The following SLC49A4 variants were observed in gnomAD, a reference collection of about 807,000 sequenced individuals.
The protein encoded by SLC49A4 is solute carrier family 49 member 4.
SLC49A4 carries 36 observed loss-of-function variants against 50.6 expected under a neutral mutation model. The ratio of observed to expected loss-of-function variants is 0.71; its 90% CI spans 0.55 to 0.94. The LOEUF (loss-of-function observed/expected upper bound fraction) is 0.94, where lower values mean the gene tolerates loss of function less well. Among genes scored for constraint, SLC49A4 ranks in the 40% least tolerant of loss-of-function variants. The probability of loss-of-function intolerance (pLI) is 0.00; values close to 1 mark genes in which losing one functional copy is unlikely to be tolerated. For missense variants in SLC49A4, 503 were observed against 605.7 expected, an observed-to-expected ratio of 0.83 and a Z score of 1.78; for synonymous variants, 248 against 241.2, an observed-to-expected ratio of 1.03 and a Z score of -0.26.
intron 1 of SLC49A4, among the ~76,000 whole-genome samples, chr3:122,803,112 A>C (rs1280596386): frequency 6.6e-6 from 1 of 152,190 alleles, no homozygotes; most frequent in African/African-American, 2.4e-5. Flanking sequence ...TCCCAGCAGA[A>C]GACCCATAAG....
In SLC49A4 at chr3:122,872,549, AAT is replaced by A. The variant is rs1225722064; in HGVS notation, c.1276_1277del (p.Met426ValfsTer42). On this transcript the variant is annotated frameshift_variant, in exon 8 of 9. Coordinates refer to ENST00000261038, the MANE Select transcript of SLC49A4 (RefSeq NM_032839.3). LOFTEE classifies it high-confidence loss of function. ...TTGTGGAGTTGTCACTTTTTTAAGT[AAT>A]ATGTTTATGGGAGTACTTTTATTTT... ...ITCGVVTFLS[N>X]MFMGVLLFFL... 1.9e-6 allele frequency: 3 copies of A among 1,608,090 alleles called. No homozygotes were observed. Among genetic ancestry groups the A allele is most frequent in the African/African-American group, 2.7e-5 (2 of 74,726 alleles).
intron 2 of SLC49A4, among the ~76,000 whole-genome samples, chr3:122,825,923 A>G (rs1936519536): frequency 6.6e-6 from 1 of 152,174 alleles, no homozygotes. Context: ...TAAGGAGAAT[A>G]TTGGGAAAAG....
At chr3:122,847,350 A>ATTTTTT (rs56148238) in intron 5 of SLC49A4, among the ~76,000 whole-genome samples, 2 of 139,208 alleles carry the variant, frequency 1.4e-5, no homozygotes, top group African/African-American at 2.7e-5. Flanking sequence ...ACAGTGTACA[A>ATTTTTT]TTTTTTTTTT....
chr3:122,798,524 A>T (rs926452929), intron 1 of SLC49A4, among the ~76,000 whole-genome samples: 1 of 152,070 alleles, frequency 6.6e-6, no homozygotes, highest in African/African-American at 2.4e-5. Flanking sequence ...TTTTTAGTAG[A>T]AGAAAGCAAA....
intron 7 of SLC49A4, among the ~76,000 whole-genome samples, chr3:122,868,141 A>G (rs1160876100): frequency 1.3e-5 from 2 of 152,080 alleles, no homozygotes; most frequent in African/African-American, 4.8e-5. Context: ...GTATTCACAC[A>G]TAGTTTTGTT....
In SLC49A4 at chr3:122,879,463, G is replaced by T; in HGVS notation, c.*85G>T. ...TTGCTCAGAATTGCACATCTAACAG[G>T]AAAAGAGGGAGAAGAAAGAAACTTC... On this transcript the variant is annotated 3_prime_UTR_variant, in exon 9 of 9. Transcript: ENST00000261038. 1.0e-6 allele frequency: 1 copy of T among 975,890 alleles called. No individual in the cohort carries two copies. The allele number at this position is 975,890 out of a possible 1,614,324, so 60.5% of individuals were successfully genotyped here.
At chr3:122,812,289 T>G (rs1169672364) in intron 2 of SLC49A4, among the ~76,000 whole-genome samples, 1 of 152,118 alleles carries the variant, frequency 6.6e-6, no homozygotes, top group Non-Finnish European at 1.5e-5. Flanking sequence ...ACTAGCTAAG[T>G]AAAACTAAAA....
chr3:122,844,392 CTA>C (rs1361087034), intron 4 of SLC49A4, among the ~76,000 whole-genome samples: 1 of 151,636 alleles, frequency 6.6e-6, no homozygotes, highest in African/African-American at 2.4e-5. Flanking sequence ...TTTAAACTAC[CTA>C]CTCATTTGAT....
chr3:122,810,440 A>T (rs541820900), intron 2 of SLC49A4, among the ~76,000 whole-genome samples: 1 of 152,292 alleles, frequency 6.6e-6, no homozygotes, highest in Admixed American at 6.5e-5. Flanking sequence ...AATGAGCGCT[A>T]TTACTCTATA....
At chr3:122,799,163 A>G (rs1270847508) in intron 1 of SLC49A4, among the ~76,000 whole-genome samples, 1 of 152,176 alleles carries the variant, frequency 6.6e-6, no homozygotes, top group African/African-American at 2.4e-5. Context: ...CCCTCCTCCT[A>G]GTAAGGAGAT....
At position 122,848,485 on chromosome 3, in the gene SLC49A4, A is replaced by T. The variant is rs1388839877; in HGVS notation, c.942+2614A>T. ...TATTTACAGATCATTTTCAAAATTA[A>T]CTCCTTTATAATATTTGAGTTTTCT... is the stretch of plus-strand genomic sequence containing the variant. On this transcript the variant is annotated intron_variant, in intron 5 of 8. Coordinates refer to ENST00000261038, the MANE Select transcript of SLC49A4 (RefSeq NM_032839.3). 2.0e-5 allele frequency among the ~76,000 whole-genome samples: 3 copies of T among 152,108 alleles called. No individual in the cohort carries two copies. In the East Asian group the frequency reaches 5.8e-4, roughly 29 times the overall value.
rs1205071409 is a variant in SLC49A4 at position 122,880,270 on chromosome 3, C to G, written c.*892C>G. ...CCAGGGTTAGATTTTATTCAGTGAC[C>G]CTTGTTTAAAAATAATAATTTATCA... On this transcript the variant is annotated 3_prime_UTR_variant, in exon 9 of 9. Transcript: ENST00000261038. 6.6e-6 allele frequency: 1 copy of G among 152,030 alleles called. No individual in the cohort carries two copies. The highest frequency in any genetic ancestry group is 1.5e-5 in the Non-Finnish European group (1 of 68,008). The allele number at this position is 152,030 out of a possible 1,614,324, so 9.4% of individuals were successfully genotyped here.
intron 1 of SLC49A4, among the ~76,000 whole-genome samples, chr3:122,805,807 G>T (rs1238884994): frequency 6.6e-6 from 1 of 152,142 alleles, no homozygotes; most frequent in Non-Finnish European, 1.5e-5. Flanking sequence ...TGTATACTTT[G>T]CCCTCTGTGT....
At position 122,795,189 on chromosome 3, in the gene SLC49A4, C is replaced by T. The variant is rs1935996027; in HGVS notation, c.-4C>T. The T allele has an allele frequency of 1.4e-5, 19 of 1,315,998 alleles. No homozygotes were observed. The East Asian group carries it at 5.7e-4, about 39-fold the overall frequency. 81.5% of individuals were successfully genotyped at this position (1,315,998 alleles called of 1,614,324 possible). A position where few individuals can be genotyped will look rare whatever the true frequency, so the allele number is the denominator to read the frequency against. ...GGCAGTGGCTTCGCGGGCGACGCGT[C>T]GCCATGGGCTCTCGCTGGAGCAGCG... On this transcript the variant is annotated 5_prime_UTR_variant, in exon 1 of 9. Transcript: ENST00000261038.
At chr3:122,840,400 T>C (rs932459011) in intron 4 of SLC49A4, among the ~76,000 whole-genome samples, 3 of 152,166 alleles carry the variant, frequency 2.0e-5, no homozygotes, top group African/African-American at 4.8e-5. Context: ...AAAAATTTGT[T>C]TTAATTTTTT....
chr3:122,860,093 G>A lies in SLC49A4; in HGVS notation c.1029G>A (p.Arg343=). 1 of 1,610,698 alleles carries A rather than the reference G, an allele frequency of 6.2e-7. No homozygotes were observed. Among genetic ancestry groups the A allele is most frequent in the Non-Finnish European group, 8.5e-7 (1 of 1,178,586 alleles). The change falls in exon 7 of 9, where the codon AGG becomes AGA. Residue 343 remains arginine, a synonymous_variant. Coordinates refer to ENST00000261038, the MANE Select transcript of SLC49A4 (RefSeq NM_032839.3). ...IAMARFADFI[R]GMLKLILLLL... ...TTTTTAGGTTTGCAGATTTTATCAG[G>A]GGTATGCTGAAACTAATTCTTCTCC... is the stretch of plus-strand genomic sequence containing the variant.
At chr3:122,850,220 A>C (rs1576305914) in intron 5 of SLC49A4, among the ~76,000 whole-genome samples, 1 of 152,218 alleles carries the variant, frequency 6.6e-6, no homozygotes, top group East Asian at 1.9e-4. Context: ...GAACGATGTT[A>C]ATATCACACG....
At chr3:122,872,389 C>G (rs781770407) in intron 7 of SLC49A4, 26 bp from the exon 8 acceptor site, 2 of 1,588,256 alleles carry the variant, frequency 1.3e-6, no homozygotes, top group East Asian at 4.5e-5. Flanking sequence ...TAGTGTGAAA[C>G]TAAAATGTTT....
At chr3:122,817,534 A>ATG (rs1491501317) in intron 2 of SLC49A4, among the ~76,000 whole-genome samples, 15 of 151,694 alleles carry the variant, frequency 9.9e-5, no homozygotes, top group East Asian at 5.8e-4. Context: ...CAAGTTTTGC[A>ATG]TGTGTGTGTG....
Sources: gnomAD v4.1 joint callset for allele counts (sites outside exome capture counted in the v4.1 genomes callset) on GRCh38, gnomAD v4.1.1 for gene constraint, MANE v1.5 for transcripts, NCBI Gene and HGNC (gene_info 2026-07-23, HGNC 2026-07-21) for gene names.